CD9: variants seen among roughly 807,000 people sequenced by gnomAD.
CD9 encodes the protein CD9 molecule.
In CD9, 10 loss-of-function variants were observed where a neutral mutation model predicts 31.4. The observed-to-expected ratio is 0.32, with a 90% confidence interval of 0.20 to 0.54. CD9 has a LOEUF of 0.54. CD9 is among the 20% of genes least tolerant of loss of function. CD9 has a pLI of 0.94. For synonymous variants in CD9, 113 were observed against 114.1 expected (o/e 0.99, Z 0.06); for missense variants, 259 against 300.1 (o/e 0.86, Z 1.01).
chr12:6,223,253 C>A lies in CD9; in HGVS notation c.67-2173C>A, dbSNP rs544858393. ...TGGGGTGGAAGGAGGGAAGGTATCA[C>A]CTTTGTACTTTTTTTTTTTTTTTTT... is the stretch of plus-strand genomic sequence containing the variant. On this transcript the variant is annotated intron_variant, in intron 1 of 7. Coordinates refer to ENST00000009180, the MANE Select transcript of CD9 (RefSeq NM_001769.4). Among the ~76,000 whole-genome samples, 4 of 144,164 alleles carry A rather than the reference C, an allele frequency of 2.8e-5. No individual in the cohort carries two copies. In the East Asian group the frequency reaches 8.1e-4, roughly 29 times the overall value. The allele number at this position is 144,164 out of a possible 152,430, so 94.6% of individuals were successfully genotyped here. A position where few individuals can be genotyped will look rare whatever the true frequency, so the allele number is the denominator to read the frequency against.
At chr12:6,219,493 T>C (rs1946272528) in intron 1 of CD9, among the ~76,000 whole-genome samples, 1 of 151,976 alleles carries the variant, frequency 6.6e-6, no homozygotes, top group Non-Finnish European at 1.5e-5. Context: ...GGTTTCTTTT[T>C]TTTTTCTTTT....
chr12:6,199,983 C>T (rs1447715400), upstream of CD9: 1 of 152,238 alleles, frequency 6.6e-6, no homozygotes, highest in Non-Finnish European at 1.5e-5. Context: ...GCCTTTAGCC[C>T]TGACGACCCG....
At chr12:6,213,190 T>A (rs749344596) in intron 1 of CD9, among the ~76,000 whole-genome samples, 2 of 152,254 alleles carry the variant, frequency 1.3e-5, no homozygotes, top group Non-Finnish European at 2.9e-5. Context: ...TTGCTGCTAC[T>A]GGTACCTCTC....
chr12:6,205,327 T>C (rs2136599844), intron 1 of CD9, among the ~76,000 whole-genome samples: 1 of 152,326 alleles, frequency 6.6e-6, no homozygotes, highest in African/African-American at 2.4e-5. Context: ...AGGATTCCTC[T>C]GCACACGCTC....
At chr12:6,230,727 T>C (rs1050740266) in intron 2 of CD9, among the ~76,000 whole-genome samples, 9 of 152,232 alleles carry the variant, frequency 5.9e-5, no homozygotes, top group African/African-American at 2.2e-4. Flanking sequence ...CAAGCCCAGC[T>C]TGTGGCCTCA....
At position 6,235,560 on chromosome 12, in the gene CD9, G is replaced by A. The variant is rs71582900; in HGVS notation, c.532G>A (p.Val178Met). 4.3e-5 allele frequency: 69 copies of A among 1,611,502 alleles called. No homozygotes were observed. In the Middle Eastern group the frequency reaches 4.9e-4, roughly 12 times the overall value. Residue 178 changes from valine to methionine, a missense_variant, in exon 6 of 8, where the codon GTG becomes ATG. By Grantham distance (21) the Val-to-Met change is conservative. Coordinates refer to ENST00000009180, the MANE Select transcript of CD9 (RefSeq NM_001769.4). ...GAAGGACGTACTCGAAACCTTCACC[G>A]TGAAGGTAAACTCAGACCAGGATCC... Reference protein sequence around the residue: ...PKKDVLETFTVKSCPDAIKEV... With the variant: ...PKKDVLETFTMKSCPDAIKEV...
intron 1 of CD9, among the ~76,000 whole-genome samples, chr12:6,224,758 A>G (rs1347832802): frequency 6.6e-6 from 1 of 152,090 alleles, no homozygotes; most frequent in East Asian, 1.9e-4. Context: ...CCTGCACAGC[A>G]TCTAGTTCAG....
chr12:6,232,555 A>C lies in CD9; in HGVS notation c.176-77A>C, dbSNP rs1300541153. On this transcript the variant is annotated intron_variant, in intron 2 of 7. Coordinates refer to ENST00000009180, the MANE Select transcript of CD9 (RefSeq NM_001769.4). This position sits in a 1 kb window ranked among gnomAD's most constrained non-coding sequence, Gnocchi z 4.8. ...GGGGAGGCAGGAGTTAGGCAGAGGG[A>C]AACAGGAATTGCCGGAGATGCCTGG... The C allele has an allele frequency of 3.4e-6, 3 of 884,528 alleles. No individual in the cohort carries two copies. Among genetic ancestry groups the C allele is most frequent in the Admixed American group, 2.0e-5 (1 of 50,150 alleles). 54.8% of individuals were successfully genotyped at this position (884,528 alleles called of 1,614,324 possible).
chr12:6,217,386 C>T (rs1315544312), intron 1 of CD9, among the ~76,000 whole-genome samples: 1 of 152,042 alleles, frequency 6.6e-6, no homozygotes, highest in African/African-American at 2.4e-5. Context: ...AAAAAATTAG[C>T]CATGTATGGT....
At chr12:6,214,598 C>A (rs541572617) in intron 1 of CD9, among the ~76,000 whole-genome samples, 17 of 152,224 alleles carry the variant, frequency 1.1e-4, no homozygotes, top group African/African-American at 3.9e-4. Context: ...TTCCGCCCCC[C>A]TCTCAGCCTC....
intron 1 of CD9, among the ~76,000 whole-genome samples, chr12:6,210,062 G>A (rs1946177722): frequency 1.3e-5 from 2 of 152,236 alleles, no homozygotes; most frequent in Admixed American, 1.3e-4. Flanking sequence ...TGTCATGGGA[G>A]GCTGGCACTC....
chr12:6,237,627 T>G (rs1946538139), intron 7 of CD9, 136 bp from the exon 8 acceptor site: 1 of 601,262 alleles, frequency 1.7e-6, no homozygotes, highest in Non-Finnish European at 3.0e-6. Context: ...CTTCAGCACC[T>G]TCTGACTCGT....
intron 1 of CD9, among the ~76,000 whole-genome samples, chr12:6,213,765 G>A (rs1169060193): frequency 6.6e-6 from 1 of 152,082 alleles, no homozygotes; most frequent in Non-Finnish European, 1.5e-5. Context: ...GCTTCCCAGG[G>A]ACCACCACCT....
chr12:6,230,439 G>A (rs542268638), intron 2 of CD9, among the ~76,000 whole-genome samples: 5 of 152,192 alleles, frequency 3.3e-5, no homozygotes, highest in Non-Finnish European at 4.4e-5. Flanking sequence ...TGCCAGGACC[G>A]CCAGGTTCAA....
chr12:6,200,001 G>A (rs2136592650), upstream of CD9: 1 of 152,344 alleles, frequency 6.6e-6, no homozygotes, highest in Middle Eastern at 3.4e-3. Context: ...CCGGGGAAGA[G>A]TCTCCCAAAG....
rs149789049 is a variant in CD9, at chr12:6,237,794, G to C, written c.653G>C (p.Cys218Ser). 6.2e-7 allele frequency: 1 copy of C among 1,613,480 alleles called. No individual in the cohort carries two copies. Among genetic ancestry groups the C allele is most frequent in the African/African-American group, 1.3e-5 (1 of 74,900 alleles). ...GGCATGATCTTCAGTATGATCTTGT[G>C]CTGTGCTATCCGCAGGAACCGCGAG... Reference protein sequence around the residue: ...IFGMIFSMILCCAIRRNREMV With the variant: ...IFGMIFSMILSCAIRRNREMV The change falls in exon 8 of 8, where the codon TGC becomes TCC. Residue 218 changes from cysteine to serine, a missense_variant. Physicochemically the swap from Cys to Ser is moderately radical, Grantham distance 112. Coordinates refer to ENST00000009180, the MANE Select transcript of CD9 (RefSeq NM_001769.4).
At chr12:6,235,159 G>A (rs1230118149) in intron 4 of CD9, 70 bp from the exon 5 acceptor site, 5 of 1,097,230 alleles carry the variant, frequency 4.6e-6, no homozygotes, top group South Asian at 2.7e-5. Flanking sequence ...AAGATGGAAC[G>A]CATAACATTT....
At chr12:6,200,645 G>A (rs1280428180) in intron 1 of CD9, 80 bp downstream of exon 1, 6 of 957,572 alleles carry the variant, frequency 6.3e-6, no homozygotes, top group South Asian at 1.4e-5. Context: ...GGCCGCGAGT[G>A]CCGGCAGCTG....
chr12:6,218,265 CAG>C (rs2136615677), intron 1 of CD9, among the ~76,000 whole-genome samples: 1 of 151,818 alleles, frequency 6.6e-6, no homozygotes, highest in Admixed American at 6.6e-5. Context: ...GTACATATTA[CAG>C]AAGATGGGAC....
Sources: gnomAD v4.1 joint callset for allele counts (sites outside exome capture counted in the v4.1 genomes callset) on GRCh38, gnomAD v4.1.1 for gene constraint, Gnocchi (gnomAD v3.1) non-coding constraint, MANE v1.5 for transcripts, NCBI Gene and HGNC (gene_info 2026-07-23, HGNC 2026-07-21) for gene names.